The following SPEG variants were observed in gnomAD, a reference collection of about 807,000 sequenced individuals.
SPEG encodes striated muscle preferentially expressed protein kinase.
Under a neutral mutation model 300.4 loss-of-function variants are expected in SPEG, and 114 were observed. The observed-to-expected ratio is 0.38, with a 90% CI of 0.33 to 0.44. The LOEUF (loss-of-function observed/expected upper bound fraction) is 0.44, where lower values mean the gene tolerates loss of function less well. Among genes scored for constraint, SPEG ranks in the 20% least tolerant of loss-of-function variants. The probability of loss-of-function intolerance (pLI) is 1.00; values close to 1 mark genes in which losing one functional copy is unlikely to be tolerated. For synonymous variants in SPEG, 1,964 were observed against 2,018.9 expected, an observed-to-expected ratio of 0.97 and a Z score of 0.73; for missense variants, 4,201 against 4,586.2, an observed-to-expected ratio of 0.92 and a Z score of 2.43.
At chr2:219,461,654 G>A in intron 6 of SPEG, 1 of 842,920 alleles carries the variant, frequency 1.2e-6, no homozygotes, top group Non-Finnish European at 1.7e-6. Context: ...GTCCCCTCCT[G>A]GGAGGATCAG....
rs749179876 is a variant in SPEG, at chr2:219,448,101, C to T, written c.943C>T (p.Arg315Trp). 50 of 1,603,982 alleles carry T rather than the reference C, an allele frequency of 3.1e-5. No individual in the cohort carries two copies. Among genetic ancestry groups the T allele is most frequent in the Non-Finnish European group, 4.1e-5 (48 of 1,175,662 alleles). ...CGCGCTGCTCCCCCCACCGTCCCCTCGGGTCGGGAAGCGGTCCCCGCCGGG... is the reference window on the plus strand; with the variant it reads ...CGCGCTGCTCCCCCCACCGTCCCCTTGGGTCGGGAAGCGGTCCCCGCCGGG... ...KSALLPPPSP[R>W]VGKRSPPGPP... Residue 315 changes from arginine to tryptophan, a missense_variant, in exon 4 of 41, where the codon CGG becomes TGG. By Grantham distance (101) the Arg-to-Trp change is moderately radical (BLOSUM62 -3). Transcript: ENST00000312358.
At chr2:219,488,965 C>T (rs1222106226) in intron 34 of SPEG, 65 bp downstream of exon 34, 17 of 1,601,422 alleles carry the variant, frequency 1.1e-5, no homozygotes, top group Admixed American at 3.4e-5. Flanking sequence ...TCTGGTAAGG[C>T]CAGTGCCCTC....
Position 219,485,416 on chromosome 2 carries a change from A to C in SPEG, c.7680A>C (p.Pro2560=). The change falls in exon 31 of 41, where the codon CCA becomes CCC. Residue 2560 remains proline (P), a synonymous_variant. Transcript: ENST00000312358. ...SRPRKDKGLS[P]PNLSASVQEE... ...CGCGGAAGGACAAGGGGTTATCGCC[A>C]CCAAACCTCTCTGCCAGCGTCCAGG... The C allele has an allele frequency of 6.2e-7, 1 of 1,606,768 alleles. No homozygotes were observed. The highest frequency in any genetic ancestry group is 8.5e-7 in the Non-Finnish European group (1 of 1,176,398).
Position 219,483,287 on chromosome 2 carries a change from G to C in SPEG, c.5824G>C (p.Glu1942Gln). Residue 1942 changes from glutamate (E) to glutamine (Q), a missense_variant, in exon 30 of 41, where the codon GAG becomes CAG. This residue lies in a region of SPEG where 1,578 missense variants were observed against 1,506.0 expected (regional missense o/e 1.05). Transcript: ENST00000312358. ...CTCAGTGCCCCGCCCACTGCAGCCCGAGTTCTCTGGCTCCCGGGTGTCCCT... is the reference window on the plus strand; with the variant it reads ...CTCAGTGCCCCGCCCACTGCAGCCCCAGTTCTCTGGCTCCCGGGTGTCCCT... ...LPSVPRPLQP[E>Q]FSGSRVSLTD... The C allele has an allele frequency of 1.2e-6, 2 of 1,606,858 alleles. No individual in the cohort carries two copies. Among genetic ancestry groups the C allele is most frequent in the Non-Finnish European group, 1.7e-6 (2 of 1,176,776 alleles).
chr2:219,483,672 T>A lies in SPEG; in HGVS notation c.6209T>A (p.Leu2070Gln). 1.3e-6 allele frequency: 2 copies of A among 1,534,032 alleles called. No homozygotes were observed. Among genetic ancestry groups the A allele is most frequent in the Middle Eastern group, 2.1e-4 (1 of 4,660 alleles). Residue 2070 changes from leucine (L) to glutamine (Q), a missense_variant, in exon 30 of 41, where the codon CTG becomes CAG. Coordinates refer to ENST00000312358, the MANE Select transcript of SPEG (RefSeq NM_005876.5). Reference protein sequence around the residue: ...EGEYAQRLQALRQRLLRGGPE... With the variant: ...EGEYAQRLQAQRQRLLRGGPE... ...GAGTATGCCCAGAGGCTGCAGGCCC[T>A]GCGCCAGCGGCTGCTGCGGGGAGGC...
chr2:219,444,615 G>T lies in SPEG; in HGVS notation c.389-38G>T. 1 of 1,560,850 alleles carries T rather than the reference G, an allele frequency of 6.4e-7. No individual in the cohort carries two copies. The highest frequency in any genetic ancestry group is 1.7e-5 in the Admixed American group (1 of 59,642). On this transcript the variant is annotated intron_variant, in intron 1 of 40. Coordinates refer to ENST00000312358, the MANE Select transcript of SPEG (RefSeq NM_005876.5). This position sits in a 1 kb window ranked among gnomAD's most constrained non-coding sequence, Gnocchi z 7.8. Reference sequence around the variant, plus strand: ...AATAGGGAAGAGTTGGAGGCAGAGGGAGGAGGGCCCTGCCCACACAGACCC... The same window carrying T: ...AATAGGGAAGAGTTGGAGGCAGAGGTAGGAGGGCCCTGCCCACACAGACCC...
chr2:219,476,602 A>T (rs1692363735), intron 18 of SPEG, among the ~76,000 whole-genome samples: 1 of 152,214 alleles, frequency 6.6e-6, no homozygotes, highest in South Asian at 2.1e-4. Context: ...CAGAAGGTCA[A>T]ACAAAGCAAG....
chr2:219,442,020 C>T (rs1688953864), intron 1 of SPEG: 1 of 917,238 alleles, frequency 1.1e-6, no homozygotes, highest in East Asian at 4.1e-5. Flanking sequence ...CCCCTCCTCG[C>T]CCGGCCGCCG....
Position 219,490,449 on chromosome 2 carries a change from A to C in SPEG, c.8962A>C (p.Thr2988Pro), listed in dbSNP as rs752156085. Reference sequence around the variant, plus strand: ...TGTGCGAGCGTGCCGGGAGAATGCCACGGGGCGAACGTTCGTGGCCAAGAT... The same window carrying C: ...TGTGCGAGCGTGCCGGGAGAATGCCCCGGGGCGAACGTTCGTGGCCAAGAT... Reference protein sequence around the residue: ...GVVRACRENATGRTFVAKIVP... With the variant: ...GVVRACRENAPGRTFVAKIVP... The change falls in exon 37 of 41, where the codon ACG (threonine) becomes CCG (proline). Residue 2988 changes from threonine to proline, a missense_variant. Transcript: ENST00000312358. The C allele has an allele frequency of 1.2e-6, 2 of 1,612,896 alleles. No homozygotes were observed. The highest frequency in any genetic ancestry group is 1.7e-6 in the Non-Finnish European group (2 of 1,179,928).
intron 6 of SPEG, among the ~76,000 whole-genome samples, chr2:219,456,803 G>C (rs1004389129): frequency 1.4e-4 from 21 of 152,002 alleles, no homozygotes; most frequent in African/African-American, 5.1e-4. Context: ...CAGCTACTTG[G>C]GAGGCTGAGA....
At chr2:219,450,645 T>C (rs1689672249) in intron 4 of SPEG, 1 of 152,528 alleles carries the variant, frequency 6.6e-6, no homozygotes, top group Non-Finnish European at 1.5e-5. Context: ...CTGCCTACCA[T>C]TCACTCTTTT....
Position 219,483,905 on chromosome 2 carries a change from C to G in SPEG, c.6442C>G (p.Pro2148Ala). ...PRGRHRRAGA[P>A]LEIPVARLGA... is the part of the protein sequence containing the mutation. ...GGGCCGGCACCGCCGAGCGGGGGCG[C>G]CCCTCGAGATCCCCGTGGCCAGGCT... Residue 2148 changes from proline to alanine, a missense_variant, in exon 30 of 41, where the codon CCC becomes GCC. Around this residue, in one of 4 missense-constraint regions of SPEG, gnomAD observed 1,578 missense variants for 1,506.0 expected, o/e 1.05. Transcript: ENST00000312358. The G allele has an allele frequency of 8.1e-6, 13 of 1,601,838 alleles. No individual in the cohort carries two copies. Among genetic ancestry groups the G allele is most frequent in the Non-Finnish European group, 1.1e-5 (13 of 1,178,882 alleles).
Position 219,473,409 on chromosome 2 carries a change from G to A in SPEG, c.4148-95G>A, listed in dbSNP as rs1377028678. The A allele has an allele frequency of 2.6e-5, 32 of 1,236,772 alleles. No homozygotes were observed. The highest frequency in any genetic ancestry group is 2.7e-4 in the Middle Eastern group (1 of 3,730). The allele number at this position is 1,236,772 out of a possible 1,614,324, so 76.6% of individuals were successfully genotyped here. On this transcript the variant is annotated intron_variant, in intron 16 of 40. Coordinates refer to ENST00000312358, the MANE Select transcript of SPEG (RefSeq NM_005876.5). The surrounding 1 kb of genome is among the most constrained non-coding windows in gnomAD (Gnocchi z 4.6). ...CTTCAGCTTTCCCATCTGTAAAAAC[G>A]GAACTCAAGTGTTGATGAGGGGTGT...
intron 18 of SPEG, chr2:219,474,175 C>T (rs990216349): frequency 6.2e-6 from 2 of 324,582 alleles, no homozygotes; most frequent in South Asian, 7.1e-5. Flanking sequence ...GTCAGGAGTT[C>T]GTGACCAGCC....
intron 32 of SPEG, 84 bp from the exon 33 acceptor site, chr2:219,488,414 G>A: frequency 5.3e-6 from 8 of 1,501,166 alleles, no homozygotes; most frequent in Non-Finnish European, 7.2e-6. Context: ...CGGTTAGGGG[G>A]GATGCTGGAG....
chr2:219,492,519 G>C lies in SPEG; in HGVS notation c.9612-75G>C, dbSNP rs571925849. The C allele has an allele frequency of 2.5e-5, 38 of 1,490,710 alleles. No homozygotes were observed. The East Asian group carries it at 8.4e-4, about 33-fold the overall frequency. 92.3% of individuals were successfully genotyped at this position (1,490,710 alleles called of 1,614,324 possible). A position where few individuals can be genotyped will look rare whatever the true frequency, so the allele number is the denominator to read the frequency against. ...GGTGGGATCCAGGACTGGGACATGG[G>C]TCTGCGGGAGGACAGAGCCCCGGCA... is the stretch of plus-strand genomic sequence containing the variant. On this transcript the variant is annotated intron_variant, in intron 40 of 40. Transcript: ENST00000312358.
chr2:219,482,505 C>T (rs962708523), intron 28 of SPEG: 5 of 451,468 alleles, frequency 1.1e-5, no homozygotes, highest in South Asian at 3.3e-5. Flanking sequence ...AGGACAGGGC[C>T]ATGAGCCCTG....
chr2:219,445,429 C>T lies in SPEG; in HGVS notation c.815+268C>T. Reference sequence around the variant, plus strand: ...CCCTGCTGTCCCTTCCTTGTCTCCTCCAAGATCTCCAGTTTCTCAGGGGCC... The same window carrying T: ...CCCTGCTGTCCCTTCCTTGTCTCCTTCAAGATCTCCAGTTTCTCAGGGGCC... On this transcript the variant is annotated intron_variant, in intron 3 of 40. Coordinates refer to ENST00000312358, the MANE Select transcript of SPEG (RefSeq NM_005876.5). This position sits in a 1 kb window ranked among gnomAD's most constrained non-coding sequence, Gnocchi z 6.1. The T allele has an allele frequency of 1.9e-6, 1 of 520,132 alleles. No individual in the cohort carries two copies. Among genetic ancestry groups the T allele is most frequent in the Non-Finnish European group, 3.4e-6 (1 of 292,426 alleles). 32.2% of individuals were successfully genotyped at this position (520,132 alleles called of 1,614,324 possible). A position where few individuals can be genotyped will look rare whatever the true frequency, so the allele number is the denominator to read the frequency against.
In SPEG at chr2:219,449,109, G is replaced by T; in HGVS notation, c.1951G>T (p.Ala651Ser). Residue 651 changes from alanine to serine, a missense_variant, in exon 4 of 41, where the codon GCT becomes TCT. Transcript: ENST00000312358. The stretch of plus-strand genomic sequence containing the variant: ...CTGGGCCACGCCGGGCCTGGAGGGC[G>T]CTGCTGTACCCCAGACCTTGGAGAA... ...LPWATPGLEG[A>S]AVPQTLEKNR... 6.8e-7 allele frequency: 1 copy of T among 1,479,776 alleles called. No individual in the cohort carries two copies. Among genetic ancestry groups the T allele is most frequent in the Non-Finnish European group, 8.9e-7 (1 of 1,117,470 alleles). 91.7% of individuals were successfully genotyped at this position (1,479,776 alleles called of 1,614,324 possible). A position where few individuals can be genotyped will look rare whatever the true frequency, so the allele number is the denominator to read the frequency against.
Sources: allele counts gnomAD v4.1 joint callset (sites outside exome capture counted in the v4.1 genomes callset), GRCh38; gene constraint gnomAD v4.1.1; regional missense constraint gnomAD v4.1.1; non-coding constraint Gnocchi (gnomAD v3.1); transcripts MANE v1.5; gene names NCBI Gene and HGNC (gene_info 2026-07-23, HGNC 2026-07-21).